MYCBP2: variants seen among roughly 807,000 people sequenced by gnomAD.
MYCBP2 encodes MYC binding protein 2, also known as E3 ubiquitin-protein ligase MYCBP2.
In MYCBP2, 120 loss-of-function variants were observed where a neutral mutation model predicts 525.3. That is an observed-to-expected ratio of 0.23 (90% CI 0.20 to 0.27). The LOEUF is 0.27. MYCBP2 is among the 10% of genes least tolerant of loss of function. The probability of loss-of-function intolerance (pLI) is 1.00; values close to 1 mark genes in which losing one functional copy is unlikely to be tolerated. For synonymous variants in MYCBP2, 1,894 were observed against 1,955.8 expected (o/e 0.97, Z 0.83); for missense variants, 4,149 against 5,657.1 (o/e 0.73, Z 8.55).
intron 17 of MYCBP2, among the ~76,000 whole-genome samples, 186 bp from the exon 18 acceptor site, chr13:77,233,449 TAA>T (rs1296436320): frequency 8.9e-6 from 1 of 112,692 alleles, no homozygotes; most frequent in Admixed American, 1.4e-4. Flanking sequence ...CCATTTCACA[TAA>T]AAGTTAATAT....
In MYCBP2 at chr13:77,097,374, G is replaced by T; in HGVS notation, c.9780C>A (p.His3260Gln). Residue 3260 changes from histidine (H) to glutamine (Q), a missense_variant, in exon 56 of 83, where the codon CAC becomes CAA. Physicochemically the swap from His to Gln is conservative, Grantham distance 24 (BLOSUM62 0). Coordinates refer to ENST00000544440, the MANE Select transcript of MYCBP2 (RefSeq NM_015057.5). ...YPVTYHMRQAHPGCGRYAGGQ... is the reference protein window; with the variant it reads ...YPVTYHMRQAQPGCGRYAGGQ... ...ACATTCAACAGTATCATTTACCTGG[G>T]TGAGCTTGTCTCATGTGATAGGTCA... 2 of 1,595,652 alleles carry T rather than the reference G, an allele frequency of 1.3e-6. No homozygotes were observed. Among genetic ancestry groups the T allele is most frequent in the Non-Finnish European group, 1.7e-6 (2 of 1,174,048 alleles).
At chr13:77,077,067 GT>G in intron 67 of MYCBP2, 80 bp downstream of exon 67, 2 of 1,522,344 alleles carry the variant, frequency 1.3e-6, no homozygotes, top group South Asian at 1.3e-5. Flanking sequence ...TCTGTAATAA[GT>G]TTCACAAAAT....
rs2064100324 is a variant in MYCBP2, at chr13:77,212,152, T to C, written c.3066A>G (p.Gln1022=). 3 of 1,613,918 alleles carry C rather than the reference T, an allele frequency of 1.9e-6. No homozygotes were observed. The highest frequency in any genetic ancestry group is 2.5e-6 in the Non-Finnish European group (3 of 1,179,898). Residue 1022 remains glutamine, a synonymous_variant, in exon 22 of 83, where the codon CAA becomes CAG. Coordinates refer to ENST00000544440, the MANE Select transcript of MYCBP2 (RefSeq NM_015057.5). ...GCACATCCAAAATTGGTCTGCCCAG[T>C]TGTCCTTTCTAAAAGATTAAATAAA... ...VFTFGSFSKG[Q]LGRPILDVPY...
At chr13:77,250,385 G>A (rs1733520309) in intron 15 of MYCBP2, among the ~76,000 whole-genome samples, 1 of 152,168 alleles carries the variant, frequency 6.6e-6, no homozygotes, top group Non-Finnish European at 1.5e-5. Context: ...CAAAGAGGAA[G>A]GTCAAGAGGC....
intron 13 of MYCBP2, among the ~76,000 whole-genome samples, chr13:77,258,796 G>A (rs2072705001): frequency 6.6e-6 from 1 of 152,120 alleles, no homozygotes; most frequent in Admixed American, 6.5e-5. Flanking sequence ...GATGTGCTAA[G>A]CATTTCTTAA....
intron 5 of MYCBP2, among the ~76,000 whole-genome samples, chr13:77,270,860 T>A (rs1292890459): frequency 2.6e-5 from 4 of 152,082 alleles, no homozygotes; most frequent in Admixed American, 6.5e-5. Flanking sequence ...TCATTCTCGA[T>A]CCATGTTTCT....
chr13:77,122,609 G>A (rs2050932912), intron 54 of MYCBP2, among the ~76,000 whole-genome samples: 1 of 148,186 alleles, frequency 6.7e-6, no homozygotes, highest in African/African-American at 2.5e-5. Context: ...AGAATGGCAT[G>A]AACCTGGGAG....
chr13:77,083,488 G>A lies in MYCBP2; in HGVS notation c.10876-296C>T, dbSNP rs531268469. On this transcript the variant is annotated intron_variant, in intron 62 of 82. Transcript: ENST00000544440. ...TCCACATGTGTATGCATGTGTATGTGTAGTGTGTGTGCATATATATGTATG... is the reference window on the plus strand; with the variant it reads ...TCCACATGTGTATGCATGTGTATGTATAGTGTGTGTGCATATATATGTATG... Among the ~76,000 whole-genome samples the A allele has an allele frequency of 1.8e-4, 27 of 152,210 alleles. No homozygotes were observed. The Middle Eastern group carries it at 0.014, about 77-fold the overall frequency.
At position 77,188,944 on chromosome 13, in the gene MYCBP2, G is replaced by T; in HGVS notation, c.4251+7C>A. On this transcript the variant is annotated splice_region_variant and intron_variant, in intron 30 of 82. Transcript: ENST00000544440. ...GAAAAGCTGAAATTTTTTAAAACAT[G>T]GCTTACCACTGAGACAGTTCTTGCA... 1.9e-6 allele frequency: 3 copies of T among 1,578,800 alleles called. No homozygotes were observed. The South Asian group carries it at 3.5e-5, about 18-fold the overall frequency.
At chr13:77,325,367 G>C (rs192782645) in intron 1 of MYCBP2, among the ~76,000 whole-genome samples, 1 of 152,278 alleles carries the variant, frequency 6.6e-6, no homozygotes, top group East Asian at 1.9e-4. Context: ...GGAAAAAAAA[G>C]ATGAAGCCAA....
At position 77,243,156 on chromosome 13, in the gene MYCBP2, G is replaced by A. The variant is rs370098506; in HGVS notation, c.2532C>T (p.Val844=). ...EMIPLDLLLA[V]PVPGVNIEEH... is the part of the protein sequence containing the mutation. ...CTTCAATGTTAACCCCGGGCACTGG[G>A]ACAGCTAGATGATTGGCCAAAAACA... The change falls in exon 17 of 83, where the codon GTC becomes GTT. Residue 844 remains valine (V), a synonymous_variant. Coordinates refer to ENST00000544440, the MANE Select transcript of MYCBP2 (RefSeq NM_015057.5). 73 of 1,613,708 alleles carry A rather than the reference G, an allele frequency of 4.5e-5. No individual in the cohort carries two copies. The highest frequency in any genetic ancestry group is 3.7e-4 in the African/African-American group (28 of 74,964).
Position 77,267,936 on chromosome 13 carries a change from C to A in MYCBP2, c.1262G>T (p.Gly421Val). ...EKKSWLGYAQ[G>V]YLLYRDVNNH... ...ATTCACATCTCTATATAATAAATAA[C>A]CCTGATAACAGCAAAAAATTTTCCT... The change falls in exon 8 of 83, where the codon GGT (glycine) becomes GTT (valine). Residue 421 changes from glycine (G) to valine (V), a missense_variant and splice_region_variant. Physicochemically the swap from Gly to Val is moderately radical, Grantham distance 109. Around this residue, in one of 21 missense-constraint regions of MYCBP2, gnomAD observed 262 missense variants for 419.3 expected, o/e 0.62. Transcript: ENST00000544440. The A allele has an allele frequency of 6.2e-7, 1 of 1,607,466 alleles. No homozygotes were observed. Among genetic ancestry groups the A allele is most frequent in the Non-Finnish European group, 8.5e-7 (1 of 1,177,112 alleles).
chr13:77,236,955 AG>A (rs1371330154), intron 17 of MYCBP2, among the ~76,000 whole-genome samples: 1 of 152,196 alleles, frequency 6.6e-6, no homozygotes. Flanking sequence ...ACATTAGTCT[AG>A]GGAGTATAAA....
At chr13:77,211,583 CTT>C (rs2064014814) in intron 22 of MYCBP2, among the ~76,000 whole-genome samples, 1 of 152,098 alleles carries the variant, frequency 6.6e-6, no homozygotes, top group African/African-American at 2.4e-5. Flanking sequence ...AGATTGATAA[CTT>C]GGTCTTCGTG....
At chr13:77,138,427 G>C (rs1291283913) in intron 52 of MYCBP2, among the ~76,000 whole-genome samples, 1 of 152,008 alleles carries the variant, frequency 6.6e-6, no homozygotes, top group African/African-American at 2.4e-5. Flanking sequence ...CTTTATAAAC[G>C]GATTTTTAAG....
chr13:77,309,317 T>G (rs1236391652), intron 1 of MYCBP2, among the ~76,000 whole-genome samples: 4 of 152,190 alleles, frequency 2.6e-5, no homozygotes, highest in Admixed American at 2.6e-4. Flanking sequence ...AGGCAGTTTG[T>G]GAGTGACAGT....
At chr13:77,277,393 CTTT>C (rs1295875985) in intron 4 of MYCBP2, among the ~76,000 whole-genome samples, 1 of 152,164 alleles carries the variant, frequency 6.6e-6, no homozygotes, top group African/African-American at 2.4e-5. Context: ...TTGGTAATAG[CTTT>C]TAATAACTGT....
intron 23 of MYCBP2, among the ~76,000 whole-genome samples, chr13:77,208,812 C>G (rs1331905887): frequency 4.6e-5 from 7 of 152,032 alleles, no homozygotes. Context: ...AACACAAATT[C>G]ACATATTATT....
At chr13:77,092,091 A>AC (rs932606046) in intron 59 of MYCBP2, among the ~76,000 whole-genome samples, 3 of 151,548 alleles carry the variant, frequency 2.0e-5, no homozygotes, top group Admixed American at 6.6e-5. Context: ...GAAAAAAAAA[A>AC]AAAACCTCAT....
Sources: gnomAD v4.1 joint callset for allele counts (sites outside exome capture counted in the v4.1 genomes callset) on GRCh38, gnomAD v4.1.1 for gene constraint, gnomAD v4.1.1 regional missense constraint, MANE v1.5 for transcripts, NCBI Gene and HGNC (gene_info 2026-07-23, HGNC 2026-07-21) for gene names.